OPCML: variants seen among roughly 807,000 people sequenced by gnomAD.
The protein encoded by OPCML is opioid binding protein/cell adhesion molecule like.
A neutral mutation model predicts 37.8 loss-of-function variants in OPCML; 13 were observed. The observed-to-expected ratio is 0.34, with a 90% CI of 0.22 to 0.55. The LOEUF (loss-of-function observed/expected upper bound fraction) is 0.55, where lower values mean the gene tolerates loss of function less well. Among genes scored for constraint, OPCML ranks in the 20% least tolerant of loss-of-function variants. OPCML has a pLI of 0.91. For missense variants in OPCML, 341 were observed against 435.6 expected (o/e 0.78, Z 1.93); for synonymous variants, 176 against 168.8 (o/e 1.04, Z -0.33).
At chr11:132,476,056 G>A (rs115807150) in intron 4 of OPCML, among the ~76,000 whole-genome samples, 11 of 152,046 alleles carry the variant, frequency 7.2e-5, no homozygotes, top group Non-Finnish European at 1.3e-4. Context: ...AGTACTTGAC[G>A]CTATCAGCAC....
intron 2 of OPCML, among the ~76,000 whole-genome samples, chr11:132,851,569 A>G (rs988004011): frequency 6.6e-6 from 1 of 152,228 alleles, no homozygotes; most frequent in African/African-American, 2.4e-5. Context: ...TCTTCCCTGC[A>G]CATAATTAAC....
At chr11:132,594,322 A>G (rs879659094) in intron 3 of OPCML, among the ~76,000 whole-genome samples, 19 of 152,242 alleles carry the variant, frequency 1.2e-4, no homozygotes, top group Non-Finnish European at 2.8e-4. Context: ...AATAACATGC[A>G]GTCCTGGAGC....
At chr11:133,139,421 CAG>C (rs1324861631) in intron 1 of OPCML, among the ~76,000 whole-genome samples, 2 of 152,212 alleles carry the variant, frequency 1.3e-5, no homozygotes, top group African/African-American at 4.8e-5. Flanking sequence ...AACCGAGACT[CAG>C]AGAGGTTGCC....
At chr11:133,478,457 G>A (rs1323268434) in intron 1 of OPCML, among the ~76,000 whole-genome samples, 1 of 95,724 alleles carries the variant, frequency 1.0e-5, no homozygotes, top group African/African-American at 4.0e-5. Flanking sequence ...TGTGTAGATC[G>A]TGTCATAGTT....
At chr11:132,556,379 A>G (rs929706088) in intron 3 of OPCML, among the ~76,000 whole-genome samples, 9 of 152,194 alleles carry the variant, frequency 5.9e-5, no homozygotes, top group Non-Finnish European at 1.0e-4. Flanking sequence ...AAAGATCTTC[A>G]AAACATTCAG....
At chr11:133,004,429 T>A in intron 1 of OPCML, 1 of 985,446 alleles carries the variant, frequency 1.0e-6, no homozygotes, top group Non-Finnish European at 1.2e-6. Context: ...GACAGCCAAG[T>A]CCCAGCAAGG....
At chr11:132,485,814 T>C (rs2096198047) in intron 4 of OPCML, among the ~76,000 whole-genome samples, 1 of 152,246 alleles carries the variant, frequency 6.6e-6, no homozygotes, top group Non-Finnish European at 1.5e-5. Flanking sequence ...GTAGTCCATG[T>C]ACCCTGTTTC....
chr11:133,412,704 T>C (rs1269744048), intron 1 of OPCML, among the ~76,000 whole-genome samples: 2 of 152,230 alleles, frequency 1.3e-5, no homozygotes, highest in East Asian at 3.8e-4. Context: ...GTTTGTAGTT[T>C]GTCACTGCTT....
rs78640687 is a variant in OPCML at position 132,646,604 on chromosome 11, G to A, written c.379+10483C>T. ...ATTCTGCACTTTGAAGGTAGTGGTT[G>A]TGGGAACGGAAAGGGAGAGAATGAC... On this transcript the variant is annotated intron_variant, in intron 3 of 7. Coordinates refer to ENST00000524381, the MANE Select transcript of OPCML (RefSeq NM_001012393.5). Among the ~76,000 whole-genome samples the A allele has an allele frequency of 4.7e-3, 722 of 152,262 alleles. 8 individuals are homozygous for A. Among genetic ancestry groups the A allele is most frequent in the African/African-American group, 0.017 (691 of 41,556 alleles).
At chr11:133,295,196 C>T (rs1565555402) in intron 1 of OPCML, among the ~76,000 whole-genome samples, 1 of 152,094 alleles carries the variant, frequency 6.6e-6, no homozygotes, top group East Asian at 1.9e-4. Flanking sequence ...AGTAAATAAC[C>T]AAAGAGTAAA....
At chr11:133,337,723 G>A (rs751330127) in intron 1 of OPCML, among the ~76,000 whole-genome samples, 8 of 152,226 alleles carry the variant, frequency 5.3e-5, no homozygotes, top group Middle Eastern at 3.4e-3. Flanking sequence ...AGAACTCAAA[G>A]TAAGAATACC....
chr11:133,145,940 C>T (rs542559428), intron 1 of OPCML, among the ~76,000 whole-genome samples: 9 of 152,186 alleles, frequency 5.9e-5, no homozygotes, highest in Middle Eastern at 3.4e-3. Context: ...TTTACACTGG[C>T]GAATACCTTA....
intron 1 of OPCML, among the ~76,000 whole-genome samples, chr11:133,501,244 C>G (rs926179894): frequency 6.6e-6 from 1 of 152,176 alleles, no homozygotes; most frequent in Non-Finnish European, 1.5e-5. Flanking sequence ...ACTGTGTGCT[C>G]CCTCCAGGGA....
rs189231091 is a variant in OPCML, at chr11:133,394,832, C to A, written c.61+137432G>T. Among the ~76,000 whole-genome samples, 15 of 152,348 alleles carry A rather than the reference C, an allele frequency of 9.8e-5. No individual in the cohort carries two copies. The East Asian group carries it at 2.5e-3, about 25-fold the overall frequency. On this transcript the variant is annotated intron_variant, in intron 1 of 7. Coordinates refer to ENST00000524381, the MANE Select transcript of OPCML (RefSeq NM_001012393.5). ...CTATTGTGAACAGTGCTGCAACAAACATGAGAGTGCAGACATCTCTTTGAT... is the reference window on the plus strand; with the variant it reads ...CTATTGTGAACAGTGCTGCAACAAAAATGAGAGTGCAGACATCTCTTTGAT...
At chr11:132,478,951 T>A (rs895607761) in intron 4 of OPCML, among the ~76,000 whole-genome samples, 1 of 152,266 alleles carries the variant, frequency 6.6e-6, no homozygotes, top group South Asian at 2.1e-4. Context: ...ATGTATCAAA[T>A]GTTCAGGCAT....
At chr11:133,527,502 C>T (rs949650037) in intron 1 of OPCML, among the ~76,000 whole-genome samples, 6 of 152,144 alleles carry the variant, frequency 3.9e-5, no homozygotes, top group Non-Finnish European at 7.4e-5. Flanking sequence ...TACTAATTTT[C>T]ATCACTGTGA....
In OPCML at chr11:132,725,293, G is replaced by A. The variant is rs879807072; in HGVS notation, c.147-67974C>T. On this transcript the variant is annotated intron_variant, in intron 2 of 7. Transcript: ENST00000524381. ...AAGCTGCCAAGACTTGAGGCTTATA[G>A]TCTCTGAAATCACAGCCCAAACTCT... Among the ~76,000 whole-genome samples the A allele has an allele frequency of 3.7e-4, 56 of 152,322 alleles. 1 individual carries two copies. Among genetic ancestry groups the A allele is most frequent in the Non-Finnish European group, 6.3e-4 (43 of 68,036 alleles).
chr11:132,818,269 C>T (rs2136240374), intron 2 of OPCML, among the ~76,000 whole-genome samples: 1 of 152,090 alleles, frequency 6.6e-6, no homozygotes, highest in Non-Finnish European at 1.5e-5. Flanking sequence ...ATTTTTTATT[C>T]TATTTTCTTC....
chr11:133,117,083 G>A (rs1592017219), intron 1 of OPCML, among the ~76,000 whole-genome samples: 1 of 151,718 alleles, frequency 6.6e-6, no homozygotes, highest in Non-Finnish European at 1.5e-5. Flanking sequence ...TGCTATTTTT[G>A]TTACAGTCTG....
Sources: gnomAD v4.1 joint callset for allele counts (sites outside exome capture counted in the v4.1 genomes callset) on GRCh38, gnomAD v4.1.1 for gene constraint, MANE v1.5 for transcripts, NCBI Gene and HGNC (gene_info 2026-07-23, HGNC 2026-07-21) for gene names.